Variants in TACC1 observed in about 807,000 individuals in gnomAD.
The protein encoded by TACC1 is transforming acidic coiled-coil-containing protein 1.
In TACC1, 48 loss-of-function variants were observed where a neutral mutation model predicts 84.4. That is an observed-to-expected ratio of 0.57 (90% CI 0.45 to 0.72). TACC1 has a LOEUF of 0.72. Ranked by LOEUF, TACC1 falls within the 30% of genes least tolerant of loss-of-function variation. The probability of loss-of-function intolerance (pLI) is 0.00; values close to 1 mark genes in which losing one functional copy is unlikely to be tolerated. For missense variants in TACC1, 920 were observed against 973.0 expected (o/e 0.95, Z 0.72); for synonymous variants, 372 against 376.3 (o/e 0.99, Z 0.13).
chr8:38,757,347 C>G (rs1233489805), intron 3 of TACC1: 1 of 1,267,544 alleles, frequency 7.9e-7, no homozygotes. Context: ...GAGGCTCCCA[C>G]TCTCAGACCC....
At chr8:38,837,961 C>G (rs1487462937) in intron 7 of TACC1, among the ~76,000 whole-genome samples, 1 of 152,266 alleles carries the variant, frequency 6.6e-6, no homozygotes, top group Non-Finnish European at 1.5e-5. Flanking sequence ...GCCAGCTCAT[C>G]TGAGCCCCCT....
chr8:38,749,693 G>A (rs1443547918), intron 3 of TACC1, among the ~76,000 whole-genome samples: 1 of 152,118 alleles, frequency 6.6e-6, no homozygotes, highest in East Asian at 1.9e-4. Flanking sequence ...CCAGGTTCAA[G>A]CGATTCTCCT....
chr8:38,788,726 G>C lies in TACC1; in HGVS notation c.184G>C (p.Glu62Gln), dbSNP rs774259166. 2 of 1,613,620 alleles carry C rather than the reference G, an allele frequency of 1.2e-6. No homozygotes were observed. Among genetic ancestry groups the C allele is most frequent in the East Asian group, 4.5e-5 (2 of 44,876 alleles). The change falls in exon 2 of 13, where the codon GAG becomes CAG. Residue 62 changes from glutamate (E) to glutamine (Q), a missense_variant. Transcript: ENST00000317827. Reference protein sequence around the residue: ...SFSSDSEGNFETPEAETPIRS... With the variant: ...SFSSDSEGNFQTPEAETPIRS... ...CAGCTCGGATTCTGAAGGTAATTTTGAGACTCCTGAAGCTGAAACCCCGAT... is the reference window on the plus strand; with the variant it reads ...CAGCTCGGATTCTGAAGGTAATTTTCAGACTCCTGAAGCTGAAACCCCGAT...
intron 3 of TACC1, among the ~76,000 whole-genome samples, chr8:38,749,851 T>C (rs1808722336): frequency 1.3e-5 from 2 of 152,096 alleles, no homozygotes; most frequent in African/African-American, 4.8e-5. Context: ...CAGTCTCCCA[T>C]AGTGCTGGGA....
intron 3 of TACC1, among the ~76,000 whole-genome samples, chr8:38,761,909 A>AT (rs1811279870): frequency 1.3e-5 from 2 of 152,210 alleles, no homozygotes; most frequent in South Asian, 4.1e-4. Flanking sequence ...ACATGTGGAA[A>AT]TATGTAATTT....
chr8:38,746,279 G>A (rs1007660678), intron 3 of TACC1, among the ~76,000 whole-genome samples: 1 of 152,166 alleles, frequency 6.6e-6, no homozygotes, highest in Non-Finnish European at 1.5e-5. Flanking sequence ...ATGAAGAAGA[G>A]CCAAATGGAA....
chr8:38,799,139 G>A (rs1054467919), intron 2 of TACC1, among the ~76,000 whole-genome samples: 11 of 152,186 alleles, frequency 7.2e-5, no homozygotes, highest in Non-Finnish European at 1.6e-4. Context: ...GATTCAGTGT[G>A]GGGGAGGAGA....
intron 11 of TACC1, among the ~76,000 whole-genome samples, chr8:38,843,770 C>T (rs1831700393): frequency 6.6e-6 from 1 of 152,098 alleles, no homozygotes; most frequent in Non-Finnish European, 1.5e-5. Flanking sequence ...TTCTAATAGC[C>T]ACATGGTATT....
chr8:38,831,146 A>G lies in TACC1; in HGVS notation c.1682A>G (p.Gln561Arg). Residue 561 changes from glutamine to arginine, a missense_variant, in exon 6 of 13, where the codon CAG becomes CGG. Transcript: ENST00000317827. Reference protein sequence around the residue: ...SEAGIEKETCQKMEEDGSTVL... With the variant: ...SEAGIEKETCRKMEEDGSTVL... ...TTAGGCATAGAGAAGGAGACGTGCC[A>G]GAAGATGGAAGAAGACGGGTCCACT... is the stretch of plus-strand genomic sequence containing the variant. 6.2e-7 allele frequency: 1 copy of G among 1,614,240 alleles called. No individual in the cohort carries two copies. Among genetic ancestry groups the G allele is most frequent in the Non-Finnish European group, 8.5e-7 (1 of 1,180,030 alleles).
chr8:38,823,934 A>T, intron 3 of TACC1: 3 of 1,282,922 alleles, frequency 2.3e-6, no homozygotes, highest in Non-Finnish European at 3.1e-6. Flanking sequence ...TCTTTACATG[A>T]TTTTTTTCTC....
At chr8:38,838,626 T>G in intron 8 of TACC1, 80 bp downstream of exon 8, 1 of 1,214,494 alleles carries the variant, frequency 8.2e-7, no homozygotes, top group South Asian at 1.2e-5. Flanking sequence ...ATGACAGTGT[T>G]TGCTTGCCAC....
At chr8:38,774,838 C>T (rs576271218) in intron 3 of TACC1, among the ~76,000 whole-genome samples, 1 of 152,060 alleles carries the variant, frequency 6.6e-6, no homozygotes, top group Admixed American at 6.5e-5. Context: ...TGGTGAAACC[C>T]CCTCTCTACT....
Position 38,848,104 on chromosome 8 carries a change from A to G in TACC1, c.*81A>G. The stretch of plus-strand genomic sequence containing the variant: ...CAATTATCTTGCCTTATCCAGGAAT[A>G]ATTGCCCCTTTGCAGAGAAAAAAAA... On this transcript the variant is annotated 3_prime_UTR_variant, in exon 13 of 13. Transcript: ENST00000317827. The G allele has an allele frequency of 7.4e-7, 1 of 1,360,362 alleles. No individual in the cohort carries two copies. 84.3% of individuals were successfully genotyped at this position (1,360,362 alleles called of 1,614,324 possible). A position where few individuals can be genotyped will look rare whatever the true frequency, so the allele number is the denominator to read the frequency against.
At chr8:38,798,128 CTTT>C (rs372828458) in intron 2 of TACC1, among the ~76,000 whole-genome samples, 1 of 144,738 alleles carries the variant, frequency 6.9e-6, no homozygotes. Flanking sequence ...ATTTTTCTTC[CTTT>C]TTTTTTTTTA....
At chr8:38,806,833 C>T (rs556620408) in intron 2 of TACC1, among the ~76,000 whole-genome samples, 1 of 152,256 alleles carries the variant, frequency 6.6e-6, no homozygotes, top group East Asian at 1.9e-4. Context: ...TCGAGTTAGC[C>T]TCAGACTCCA....
chr8:38,738,084 A>G (rs1281119550), intron 1 of TACC1, among the ~76,000 whole-genome samples: 1 of 151,930 alleles, frequency 6.6e-6, no homozygotes, highest in Non-Finnish European at 1.5e-5. Flanking sequence ...GTAGTTCCTG[A>G]CTCACAGAGC....
At chr8:38,778,518 A>C (rs1349578486) in intron 3 of TACC1, among the ~76,000 whole-genome samples, 2 of 152,200 alleles carry the variant, frequency 1.3e-5, no homozygotes, top group Non-Finnish European at 2.9e-5. Context: ...ACAGGCAGGA[A>C]TCTCTTTTGT....
chr8:38,840,827 A>G (rs1180776495), intron 9 of TACC1, among the ~76,000 whole-genome samples: 1 of 152,122 alleles, frequency 6.6e-6, no homozygotes, highest in Admixed American at 6.6e-5. Context: ...GGGTAGGTGG[A>G]TCACCTGAGG....
At chr8:38,831,101 T>C in intron 5 of TACC1, 24 bp from the exon 6 acceptor site, 1 of 1,613,748 alleles carries the variant, frequency 6.2e-7, no homozygotes, top group Non-Finnish European at 8.5e-7. Flanking sequence ...TTGGGATAAC[T>C]ATAAAAATGA....
Sources: allele counts gnomAD v4.1 joint callset (sites outside exome capture counted in the v4.1 genomes callset), GRCh38; gene constraint gnomAD v4.1.1; transcripts MANE v1.5; gene names NCBI Gene and HGNC (gene_info 2026-07-23, HGNC 2026-07-21).